The following NCOA7 variants were observed in gnomAD, a reference collection of about 807,000 sequenced individuals.
NCOA7 encodes the protein 140 kDa estrogen receptor-associated protein.
NCOA7 carries 45 observed loss-of-function variants against 104.3 expected under a neutral mutation model. The observed-to-expected ratio is 0.43, with a 90% CI of 0.34 to 0.55. The LOEUF (loss-of-function observed/expected upper bound fraction) is 0.55, where lower values mean the gene tolerates loss of function less well. Ranked by LOEUF, NCOA7 falls within the 20% of genes least tolerant of loss-of-function variation. The pLI is 0.02. For synonymous variants in NCOA7, 398 were observed against 402.3 expected (o/e 0.99, Z 0.13); for missense variants, 1,041 against 1,119.7 (o/e 0.93, Z 1.00).
chr6:125,818,999 G>A (rs931322877), intron 2 of NCOA7: 2 of 152,184 alleles, frequency 1.3e-5, no homozygotes, highest in Non-Finnish European at 2.9e-5. Context: ...TTCTGAGGAA[G>A]TCAAAAGGAA....
chr6:125,835,126 C>T (rs1779506673), intron 2 of NCOA7, among the ~76,000 whole-genome samples: 1 of 152,180 alleles, frequency 6.6e-6, no homozygotes, highest in Admixed American at 6.5e-5. Flanking sequence ...ATTCCAGAAT[C>T]TTTAAAATTT....
At position 125,821,713 on chromosome 6, in the gene NCOA7, C is replaced by A. The variant is rs530404057; in HGVS notation, c.50+6309C>A. ...ATTAACCTACCAAGACAATAGGAAG[C>A]AGGCAGTCTGTAATACTTCACCTGT... On this transcript the variant is annotated intron_variant, in intron 2 of 15. Transcript: ENST00000392477. Among the ~76,000 whole-genome samples, 56 of 152,286 alleles carry A rather than the reference C, an allele frequency of 3.7e-4. 1 individual carries two copies. The South Asian group carries it at 0.012, about 32-fold the overall frequency.
At chr6:125,850,488 A>G (rs933935229) in intron 2 of NCOA7, among the ~76,000 whole-genome samples, 2 of 152,208 alleles carry the variant, frequency 1.3e-5, no homozygotes, top group African/African-American at 4.8e-5. Context: ...GAATAAAACA[A>G]TGTATCCCAT....
At position 125,909,015 on chromosome 6, in the gene NCOA7, T is replaced by C. The variant is rs140248110; in HGVS notation, c.2097-6318T>C. 4.7e-4 allele frequency among the ~76,000 whole-genome samples: 72 copies of C among 152,356 alleles called. 2 individuals carry two copies. Among genetic ancestry groups the C allele is most frequent in the African/African-American group, 1.6e-3 (66 of 41,580 alleles). On this transcript the variant is annotated intron_variant, in intron 10 of 15. Transcript: ENST00000392477. ...ATTCTCAGAACATTTCCTTTTTCACTCGGTGTCTATGATTGTCCAAAGACT... is the reference window on the plus strand; with the variant it reads ...ATTCTCAGAACATTTCCTTTTTCACCCGGTGTCTATGATTGTCCAAAGACT...
chr6:125,786,573 CTTTTTT>C (rs148199881), upstream of NCOA7, among the ~76,000 whole-genome samples: 2 of 121,084 alleles, frequency 1.7e-5, no homozygotes, highest in Non-Finnish European at 1.7e-5. Flanking sequence ...TAATCATTGT[CTTTTTT>C]TTTTTTTTTT....
chr6:125,885,805 G>A (rs1036889831), intron 8 of NCOA7, among the ~76,000 whole-genome samples: 1 of 152,140 alleles, frequency 6.6e-6, no homozygotes, highest in Non-Finnish European at 1.5e-5. Flanking sequence ...AGAGGGGTTT[G>A]GGTCTACAGT....
At chr6:125,906,325 G>A (rs1034146791) in intron 10 of NCOA7, among the ~76,000 whole-genome samples, 1 of 152,182 alleles carries the variant, frequency 6.6e-6, no homozygotes, top group African/African-American at 2.4e-5. Flanking sequence ...GAGGCAGGTA[G>A]GAGAGTGGGG....
chr6:125,785,890 T>G (rs1033146739), intron 1 of NCOA7, among the ~76,000 whole-genome samples: 2 of 152,194 alleles, frequency 1.3e-5, no homozygotes, highest in Non-Finnish European at 2.9e-5. Context: ...ACAGCAATAT[T>G]TCTTTCTCAG....
rs751495037 is a variant in NCOA7 at position 125,889,125 on chromosome 6, T to G, written c.1071T>G (p.His357Gln). Residue 357 changes from histidine to glutamine, a missense_variant, in exon 9 of 16, where the codon CAT becomes CAG. By Grantham distance (24) the His-to-Gln change is conservative. Transcript: ENST00000392477. ...TACCTTTGGAGAAGTCCACAGGACATACACCTACAAAGCCCTCAGGCAGCT... is the reference window on the plus strand; with the variant it reads ...TACCTTTGGAGAAGTCCACAGGACAGACACCTACAAAGCCCTCAGGCAGCT... ...PIVPLEKSTG[H>Q]TPTKPSGSSV... The G allele has an allele frequency of 2.0e-5, 32 of 1,614,164 alleles. No individual in the cohort carries two copies. Among genetic ancestry groups the G allele is most frequent in the Non-Finnish European group, 2.6e-5 (31 of 1,180,012 alleles).
intron 13 of NCOA7, among the ~76,000 whole-genome samples, chr6:125,924,472 C>T (rs1787853321): frequency 6.6e-6 from 1 of 152,178 alleles, no homozygotes; most frequent in South Asian, 2.1e-4. Context: ...TGTGGCTTTG[C>T]TGTGTTTGAG....
At position 125,889,411 on chromosome 6, in the gene NCOA7, C is replaced by A. The variant is rs1427086491; in HGVS notation, c.1357C>A (p.Gln453Lys). 1.2e-6 allele frequency: 2 copies of A among 1,613,846 alleles called. No individual in the cohort carries two copies. The highest frequency in any genetic ancestry group is 1.7e-5 in the Admixed American group (1 of 59,974). Residue 453 changes from glutamine to lysine, a missense_variant, in exon 9 of 16, where the codon CAA becomes AAA. Around this residue, in one of 2 missense-constraint regions of NCOA7, gnomAD observed 914 missense variants for 942.7 expected, o/e 0.97. Coordinates refer to ENST00000392477, the MANE Select transcript of NCOA7 (RefSeq NM_181782.5). ...DPEERKKAESQINNSAVEMQV... is the reference protein window; with the variant it reads ...DPEERKKAESKINNSAVEMQV... The stretch of plus-strand genomic sequence containing the variant: ...AGAGGAACGAAAGAAAGCTGAGTCA[C>A]AAATAAACAATTCTGCCGTGGAAAT...
chr6:125,880,027 T>G (rs1783692025), intron 5 of NCOA7, among the ~76,000 whole-genome samples: 1 of 152,058 alleles, frequency 6.6e-6, no homozygotes, highest in South Asian at 2.1e-4. Flanking sequence ...AAGATTATAT[T>G]TGATACATGC....
At chr6:125,838,152 C>T (rs1779789201) in intron 2 of NCOA7, among the ~76,000 whole-genome samples, 1 of 152,028 alleles carries the variant, frequency 6.6e-6, no homozygotes. Flanking sequence ...TGAGGAGAAC[C>T]CAAGTGTTTG....
intron 10 of NCOA7, among the ~76,000 whole-genome samples, chr6:125,906,003 G>A (rs569214217): frequency 4.6e-5 from 7 of 151,928 alleles, no homozygotes; most frequent in East Asian, 1.9e-4. Flanking sequence ...GGGTTTCACC[G>A]TATTGGCCAG....
At chr6:125,871,478 T>C (rs1782900638) in intron 3 of NCOA7, among the ~76,000 whole-genome samples, 1 of 152,242 alleles carries the variant, frequency 6.6e-6, no homozygotes, top group East Asian at 1.9e-4. Context: ...CAATTATTTC[T>C]GAAGTAATAT....
chr6:125,841,403 G>A (rs1780159681), intron 2 of NCOA7, among the ~76,000 whole-genome samples: 1 of 152,022 alleles, frequency 6.6e-6, no homozygotes, highest in Non-Finnish European at 1.5e-5. Flanking sequence ...CTAATGACAC[G>A]TTTCTCAGAA....
At chr6:125,825,959 A>G (rs927882514) in intron 2 of NCOA7, among the ~76,000 whole-genome samples, 1 of 152,216 alleles carries the variant, frequency 6.6e-6, no homozygotes, top group Non-Finnish European at 1.5e-5. Flanking sequence ...TGAAAAGAGT[A>G]TATGGATTTT....
At chr6:125,895,235 T>C (rs1784909515) in intron 10 of NCOA7, among the ~76,000 whole-genome samples, 1 of 152,214 alleles carries the variant, frequency 6.6e-6, no homozygotes, top group South Asian at 2.1e-4. Flanking sequence ...TAGTGTTAAG[T>C]AGCAGGAATT....
At chr6:125,906,626 G>A (rs564832546) in intron 10 of NCOA7, among the ~76,000 whole-genome samples, 2 of 152,278 alleles carry the variant, frequency 1.3e-5, no homozygotes, top group South Asian at 4.1e-4. Flanking sequence ...GAGCCTGAAA[G>A]AGAGATCCTA....
Sources: gnomAD v4.1 joint callset for allele counts (sites outside exome capture counted in the v4.1 genomes callset) on GRCh38, gnomAD v4.1.1 for gene constraint, gnomAD v4.1.1 regional missense constraint, MANE v1.5 for transcripts, NCBI Gene and HGNC (gene_info 2026-07-23, HGNC 2026-07-21) for gene names.